Variants in BMP7 observed in about 807,000 individuals in gnomAD.
The protein encoded by BMP7 is bone morphogenetic protein 7.
Under a neutral mutation model 41.2 loss-of-function variants are expected in BMP7, and 12 were observed. The observed-to-expected ratio is 0.29, with a 90% CI of 0.19 to 0.47. BMP7 has a LOEUF of 0.47. Among genes scored for constraint, BMP7 ranks in the 20% least tolerant of loss-of-function variants. The pLI, the probability that BMP7 is intolerant of heterozygous loss-of-function variation, is 0.99. For synonymous variants in BMP7, 248 were observed against 250.0 expected (o/e 0.99, Z 0.07); for missense variants, 467 against 606.0 (o/e 0.77, Z 2.41).
At chr20:57,255,048 G>A (rs1347003019) in intron 1 of BMP7, among the ~76,000 whole-genome samples, 1 of 152,144 alleles carries the variant, frequency 6.6e-6, no homozygotes, top group Non-Finnish European at 1.5e-5. Flanking sequence ...GAAGGGAAAG[G>A]TGTGTGCCTG....
rs1018426534 is a variant in BMP7, at chr20:57,174,418, C to A, written c.1035+513G>T. On this transcript the variant is annotated intron_variant, in intron 5 of 6. Coordinates refer to ENST00000395863, the MANE Select transcript of BMP7 (RefSeq NM_001719.3). This position sits in a 1 kb window ranked among gnomAD's most constrained non-coding sequence, Gnocchi z 4.3. ...CTCCTCTCCTAGGATTCATCCCCTG[C>A]CTTTTGCCTCACTCCATGCAAATGG... 2.6e-5 allele frequency among the ~76,000 whole-genome samples: 4 copies of A among 152,316 alleles called. No individual in the cohort carries two copies. The highest frequency in any genetic ancestry group is 7.2e-5 in the African/African-American group (3 of 41,572).
intron 3 of BMP7, among the ~76,000 whole-genome samples, chr20:57,195,806 G>A (rs192773160): frequency 4.6e-5 from 7 of 152,334 alleles, no homozygotes; most frequent in Admixed American, 2.0e-4. Flanking sequence ...GCTCTCGTGT[G>A]TCACAGGAGA....
rs543617279 is a variant in BMP7 at position 57,186,304 on chromosome 20, C to T, written c.761-2385G>A. Among the ~76,000 whole-genome samples the T allele has an allele frequency of 9.9e-5, 15 of 152,262 alleles. 1 individual carries two copies. In the South Asian group the frequency reaches 2.9e-3, roughly 29 times the overall value. Reference sequence around the variant, plus strand: ...TGGGCAGGAAGAATGGGGACACCAACAGGGTATGGGGTCCCGGAAAACAGG... The same window carrying T: ...TGGGCAGGAAGAATGGGGACACCAATAGGGTATGGGGTCCCGGAAAACAGG... On this transcript the variant is annotated intron_variant, in intron 3 of 6. Transcript: ENST00000395863.
At chr20:57,225,495 C>T (rs573571460) in intron 2 of BMP7, among the ~76,000 whole-genome samples, 2 of 152,146 alleles carry the variant, frequency 1.3e-5, no homozygotes, top group South Asian at 4.2e-4. Flanking sequence ...TCATCCACAG[C>T]ACAACTCTGG....
intron 4 of BMP7, among the ~76,000 whole-genome samples, chr20:57,182,188 T>A (rs1342085984): frequency 6.6e-6 from 1 of 152,312 alleles, no homozygotes; most frequent in African/African-American, 2.4e-5. Flanking sequence ...GGAGTCCCGA[T>A]GCATCTTCTG....
rs1417641104 is a variant in BMP7, at chr20:57,169,534, C to A, written c.*1425G>T. On this transcript the variant is annotated 3_prime_UTR_variant, in exon 7 of 7. Coordinates refer to ENST00000395863, the MANE Select transcript of BMP7 (RefSeq NM_001719.3). ...TGCAATGTAAGTCCAGCACATCCTG[C>A]ACCCATCAGACCTCCTATTATGCCA... The A allele has an allele frequency of 6.6e-6, 1 of 152,262 alleles. No homozygotes were observed. Among genetic ancestry groups the A allele is most frequent in the Non-Finnish European group, 1.5e-5 (1 of 68,062 alleles). The allele number at this position is 152,262 out of a possible 1,614,324, so 9.4% of individuals were successfully genotyped here.
chr20:57,265,720 TCATGAC>T lies in BMP7; in HGVS notation c.397_402del (p.Val133_Met134del), dbSNP rs779457752. 1 of 1,607,348 alleles carries T rather than the reference TCATGAC, an allele frequency of 6.2e-7. No homozygotes were observed. ...CCTTACTCACCGAGGTTGACGAAGC[TCATGAC>T]CATGTCGGCGTCGGTGAGGAAATGG... On this transcript the variant is annotated inframe_deletion, in exon 1 of 7. Transcript: ENST00000395863.
chr20:57,259,731 T>C lies in BMP7; in HGVS notation c.418+5974A>G, dbSNP rs2066146678. On this transcript the variant is annotated intron_variant, in intron 1 of 6. Coordinates refer to ENST00000395863, the MANE Select transcript of BMP7 (RefSeq NM_001719.3). This position sits in a 1 kb window ranked among gnomAD's most constrained non-coding sequence, Gnocchi z 4.7. ...CTTGCCTGAGTTTCGCATAAGTAAG[T>C]GTCAAACTTCATGCACTCTAATATC... is the stretch of plus-strand genomic sequence containing the variant. Among the ~76,000 whole-genome samples the C allele has an allele frequency of 6.6e-6, 1 of 152,190 alleles. No homozygotes were observed. Among genetic ancestry groups the C allele is most frequent in the South Asian group, 2.1e-4 (1 of 4,834 alleles).
intron 2 of BMP7, among the ~76,000 whole-genome samples, chr20:57,218,028 G>C (rs919955390): frequency 1.3e-5 from 2 of 152,234 alleles, no homozygotes; most frequent in African/African-American, 4.8e-5. Flanking sequence ...GATATCAACA[G>C]ACATCTGTAT....
At chr20:57,233,969 C>T (rs1371129823) in intron 1 of BMP7, among the ~76,000 whole-genome samples, 1 of 152,198 alleles carries the variant, frequency 6.6e-6, no homozygotes, top group Non-Finnish European at 1.5e-5. Flanking sequence ...ATATATTTCT[C>T]CTGCTTCCTG....
chr20:57,234,172 T>C (rs779316435), intron 1 of BMP7, among the ~76,000 whole-genome samples: 3 of 152,112 alleles, frequency 2.0e-5, no homozygotes, highest in Non-Finnish European at 4.4e-5. Flanking sequence ...GGAGCCACCA[T>C]CTTGTTCCAT....
At chr20:57,192,854 T>C (rs912962609) in intron 3 of BMP7, among the ~76,000 whole-genome samples, 3 of 152,300 alleles carry the variant, frequency 2.0e-5, no homozygotes, top group African/African-American at 7.2e-5. Flanking sequence ...AGCGATTCTT[T>C]GTTGTTTGTC....
intron 3 of BMP7, among the ~76,000 whole-genome samples, chr20:57,192,389 G>A (rs566097551): frequency 1.3e-5 from 2 of 148,704 alleles, no homozygotes; most frequent in African/African-American, 4.9e-5. Context: ...AGGTGCTCGT[G>A]TACAGATGTA....
intron 3 of BMP7, among the ~76,000 whole-genome samples, chr20:57,200,279 C>T (rs1181427650): frequency 1.3e-5 from 2 of 152,204 alleles, no homozygotes; most frequent in Non-Finnish European, 2.9e-5. Context: ...AGTGACTCAC[C>T]CTAGGTCACA....
In BMP7 at chr20:57,228,390, G is replaced by A. The variant is rs747745386; in HGVS notation, c.450C>T (p.Arg150=). The change falls in exon 2 of 7, where the codon CGC becomes CGT. Residue 150 remains arginine, a synonymous_variant. Coordinates refer to ENST00000395863, the MANE Select transcript of BMP7 (RefSeq NM_001719.3). This position sits in a 1 kb window ranked among gnomAD's most constrained non-coding sequence, Gnocchi z 4.5. The part of the protein sequence containing the change: ...VEHDKEFFHP[R]YHHREFRFDL... ...CAAACCGGAACTCTCGATGGTGGTA[G>A]CGTGGGTGGAAGAATTCCTTGTCAT... 6.2e-6 allele frequency: 10 copies of A among 1,614,206 alleles called. No individual in the cohort carries two copies. In the South Asian group the frequency reaches 9.9e-5, roughly 16 times the overall value.
rs919296142 is a variant in BMP7 at position 57,227,902 on chromosome 20, G to C, written c.611+327C>G. ...CACTGGGTTTCAGAGTGAGAAACGGGAGAGAGGTAGCCCTTCAAAAATGTT... is the reference window on the plus strand; with the variant it reads ...CACTGGGTTTCAGAGTGAGAAACGGCAGAGAGGTAGCCCTTCAAAAATGTT... On this transcript the variant is annotated intron_variant, in intron 2 of 6. Coordinates refer to ENST00000395863, the MANE Select transcript of BMP7 (RefSeq NM_001719.3). Among the ~76,000 whole-genome samples the C allele has an allele frequency of 2.6e-5, 4 of 152,064 alleles. No individual in the cohort carries two copies. In the East Asian group the frequency reaches 7.7e-4, roughly 29 times the overall value.
At chr20:57,200,041 C>A (rs1170996313) in intron 3 of BMP7, among the ~76,000 whole-genome samples, 1 of 152,226 alleles carries the variant, frequency 6.6e-6, no homozygotes, top group Non-Finnish European at 1.5e-5. Flanking sequence ...AAATATGGAG[C>A]CCCGGCGGGT....
chr20:57,207,811 G>GTTTTTT (rs572613876), intron 2 of BMP7, among the ~76,000 whole-genome samples: 1 of 109,974 alleles, frequency 9.1e-6, no homozygotes, highest in Non-Finnish European at 1.7e-5. Flanking sequence ...ACCCCAGTTG[G>GTTTTTT]TTTTTTTTTT....
intron 3 of BMP7, among the ~76,000 whole-genome samples, chr20:57,198,641 G>A (rs1228889812): frequency 6.6e-6 from 1 of 152,160 alleles, no homozygotes; most frequent in Admixed American, 6.5e-5. Context: ...AAAGACGCAC[G>A]CTTCCTGGGT....
Sources: gnomAD v4.1 joint callset for allele counts (sites outside exome capture counted in the v4.1 genomes callset) on GRCh38, gnomAD v4.1.1 for gene constraint, Gnocchi (gnomAD v3.1) non-coding constraint, MANE v1.5 for transcripts, NCBI Gene and HGNC (gene_info 2026-07-23, HGNC 2026-07-21) for gene names.